The following TULP4 variants were observed in gnomAD, a reference collection of about 807,000 sequenced individuals.
The protein encoded by TULP4 is TUB like protein 4, also known as tubby-related protein 4.
TULP4 carries 16 observed loss-of-function variants against 129.0 expected under a neutral mutation model. The observed-to-expected ratio is 0.12, with a 90% CI of 0.08 to 0.19. TULP4 has a LOEUF of 0.19. TULP4 is among the 10% of genes least tolerant of loss of function. TULP4 has a pLI of 1.00. For missense variants in TULP4, 1,842 were observed against 2,059.1 expected, an observed-to-expected ratio of 0.89 and a Z score of 2.04; for synonymous variants, 998 against 854.0, an observed-to-expected ratio of 1.17 and a Z score of -2.94.
At chr6:158,443,631 T>C (rs1352793165) in intron 3 of TULP4, among the ~76,000 whole-genome samples, 1 of 152,200 alleles carries the variant, frequency 6.6e-6, no homozygotes, top group Non-Finnish European at 1.5e-5. Flanking sequence ...GGAGAGTCTC[T>C]CATCTTAATA....
At chr6:158,388,004 G>T (rs1777489768) in intron 1 of TULP4, among the ~76,000 whole-genome samples, 1 of 152,094 alleles carries the variant, frequency 6.6e-6, no homozygotes, top group African/African-American at 2.4e-5. Context: ...TCCAACAAGT[G>T]AATTCTAATT....
At chr6:158,446,457 A>G (rs1454258235) in intron 3 of TULP4, among the ~76,000 whole-genome samples, 3 of 152,154 alleles carry the variant, frequency 2.0e-5, no homozygotes, top group Non-Finnish European at 2.9e-5. Context: ...GTCCTTATTC[A>G]GGAATTATAT....
In TULP4 at chr6:158,511,742, G is replaced by GGAT. The variant is rs1431549372; in HGVS notation, c.*5049_*5051dup. 3.3e-5 allele frequency: 5 copies of GGAT among 152,144 alleles called. No homozygotes were observed. Among genetic ancestry groups the GGAT allele is most frequent in the African/African-American group, 1.2e-4 (5 of 41,422 alleles). 9.4% of individuals were successfully genotyped at this position (152,144 alleles called of 1,614,324 possible). On this transcript the variant is annotated 3_prime_UTR_variant, in exon 14 of 14. Coordinates refer to ENST00000367097, the MANE Select transcript of TULP4 (RefSeq NM_020245.5). ...TATTTTCTGTCTTTATTACTGAGAC[G>GGAT]GATTAATCTCCTTATTTTTTTCTTG...
intron 1 of TULP4, among the ~76,000 whole-genome samples, chr6:158,260,593 G>A (rs959228004): frequency 7.2e-6 from 1 of 138,302 alleles, no homozygotes; most frequent in Non-Finnish European, 1.6e-5. Context: ...AAAAAAAAAT[G>A]TTCATTAGTG....
chr6:158,291,840 G>T (rs575306523), intron 1 of TULP4, among the ~76,000 whole-genome samples: 1 of 152,154 alleles, frequency 6.6e-6, no homozygotes, highest in Non-Finnish European at 1.5e-5. Flanking sequence ...TGAAGGAATA[G>T]GTTTTTCATT....
At chr6:158,245,877 A>G (rs1404733907) in intron 1 of TULP4, among the ~76,000 whole-genome samples, 4 of 152,338 alleles carry the variant, frequency 2.6e-5, no homozygotes, top group Admixed American at 2.0e-4. Flanking sequence ...GAGAGGATCT[A>G]AGCTCCAGAA....
intron 1 of TULP4, among the ~76,000 whole-genome samples, chr6:158,255,513 A>C (rs1038181863): frequency 8.5e-5 from 13 of 152,126 alleles, no homozygotes; most frequent in Admixed American, 7.2e-4. Flanking sequence ...GTCTGTCCAG[A>C]GGTTCTGGAA....
At chr6:158,401,050 T>TTTGTTGTTGTTGTTG (rs199720242) in intron 1 of TULP4, among the ~76,000 whole-genome samples, 27 of 147,206 alleles carry the variant, frequency 1.8e-4, no homozygotes, top group African/African-American at 6.5e-4. Flanking sequence ...GTTTGGGTTT[T>TTTGTTGTTGTTGTTG]TTGTTGTTGT....
intron 1 of TULP4, chr6:158,242,124 A>G (rs1583668535): frequency 1.1e-6 from 1 of 879,134 alleles, no homozygotes; most frequent in South Asian, 1.3e-5. Flanking sequence ...GCTGCAGAAT[A>G]TAGGCCATCT....
upstream of TULP4, among the ~76,000 whole-genome samples, chr6:158,278,744 C>T (rs900445086): frequency 1.3e-5 from 2 of 151,698 alleles, no homozygotes; most frequent in African/African-American, 4.8e-5. Flanking sequence ...GATATTTTTC[C>T]CCTTTAAGCA....
At chr6:158,396,511 T>C (rs370945552) in intron 1 of TULP4, among the ~76,000 whole-genome samples, 1 of 152,180 alleles carries the variant, frequency 6.6e-6, no homozygotes, top group African/African-American at 2.4e-5. Flanking sequence ...GGAAATAATA[T>C]ATATACAAGG....
Position 158,502,185 on chromosome 6 carries a change from T to G in TULP4, c.2522T>G (p.Ile841Ser). The change falls in exon 13 of 14, where the codon ATC becomes AGC. Residue 841 changes from isoleucine (I) to serine (S), a missense_variant. Around this residue, in one of 5 missense-constraint regions of TULP4, gnomAD observed 1,089 missense variants for 987.1 expected, o/e 1.10. Coordinates refer to ENST00000367097, the MANE Select transcript of TULP4 (RefSeq NM_020245.5). Reference protein sequence around the residue: ...INPPPPYPGTIPAAPTTAAPP... With the variant: ...INPPPPYPGTSPAAPTTAAPP... Reference sequence around the variant, plus strand: ...CCTCCACCCCCGTACCCAGGAACCATCCCCGCTGCCCCCACCACAGCAGCA... The same window carrying G: ...CCTCCACCCCCGTACCCAGGAACCAGCCCCGCTGCCCCCACCACAGCAGCA... 1.7e-6 allele frequency: 2 copies of G among 1,160,436 alleles called. No homozygotes were observed. Among genetic ancestry groups the G allele is most frequent in the Non-Finnish European group, 1.1e-6 (1 of 879,042 alleles). The allele number at this position is 1,160,436 out of a possible 1,614,324, so 71.9% of individuals were successfully genotyped here. A position where few individuals can be genotyped will look rare whatever the true frequency, so the allele number is the denominator to read the frequency against.
At chr6:158,259,190 A>T (rs1334923638) in intron 1 of TULP4, among the ~76,000 whole-genome samples, 4 of 152,234 alleles carry the variant, frequency 2.6e-5, no homozygotes, top group Non-Finnish European at 5.9e-5. Context: ...AGGTTGCGCC[A>T]TTGCACTTCA....
Position 158,503,006 on chromosome 6 carries a change from A to C in TULP4, c.3343A>C (p.Thr1115Pro). The C allele has an allele frequency of 6.2e-7, 1 of 1,614,002 alleles. No individual in the cohort carries two copies. Among genetic ancestry groups the C allele is most frequent in the Non-Finnish European group, 8.5e-7 (1 of 1,179,990 alleles). Residue 1115 changes from threonine (T) to proline (P), a missense_variant, in exon 13 of 14, where the codon ACC becomes CCC. By Grantham distance (38) the Thr-to-Pro change is conservative. Around this residue, in one of 5 missense-constraint regions of TULP4, gnomAD observed 1,089 missense variants for 987.1 expected, o/e 1.10. Coordinates refer to ENST00000367097, the MANE Select transcript of TULP4 (RefSeq NM_020245.5). This position sits in a 1 kb window ranked among gnomAD's most constrained non-coding sequence, Gnocchi z 4.3. ...CCCTCCCCTGCCTGAAGCTGCTGTC[A>C]CCCTGAAACGGCCACCCCCTTACCA... ...RHPPLPEAAV[T>P]LKRPPPYQWD...
intron 1 of TULP4, among the ~76,000 whole-genome samples, chr6:158,353,569 T>A (rs1397055351): frequency 2.0e-5 from 3 of 152,216 alleles, no homozygotes; most frequent in Non-Finnish European, 2.9e-5. Context: ...CAGTGTGTTC[T>A]TTTTTCTGCA....
chr6:158,305,057 C>T (rs1342117508), intron 1 of TULP4, among the ~76,000 whole-genome samples: 2 of 152,078 alleles, frequency 1.3e-5, no homozygotes, highest in Admixed American at 1.3e-4. Context: ...CTCTTTTCAT[C>T]TTACAAAACT....
Position 158,494,721 on chromosome 6 carries a change from G to A in TULP4, c.1777-32G>A, listed in dbSNP as rs371219262. The A allele has an allele frequency of 9.5e-6, 15 of 1,578,794 alleles. No homozygotes were observed. The African/African-American group carries it at 1.8e-4, about 19-fold the overall frequency. On this transcript the variant is annotated intron_variant, in intron 10 of 13. Coordinates refer to ENST00000367097, the MANE Select transcript of TULP4 (RefSeq NM_020245.5). ...AGTTGAAAATACGGAAATAGATTGT[G>A]ATTCTTCTTTTTTCTTTTCTTCCTA...
intron 1 of TULP4, among the ~76,000 whole-genome samples, chr6:158,333,034 T>A (rs1779947702): frequency 6.6e-6 from 1 of 152,194 alleles, no homozygotes; most frequent in African/African-American, 2.4e-5. Flanking sequence ...CCCCTATACC[T>A]TCCCCCATTT....
At chr6:158,293,678 A>C (rs1342579584) in intron 1 of TULP4, among the ~76,000 whole-genome samples, 1 of 152,214 alleles carries the variant, frequency 6.6e-6, no homozygotes, top group African/African-American at 2.4e-5. Flanking sequence ...TTACAATGCA[A>C]GTCAATGGGA....
Sources: allele counts gnomAD v4.1 joint callset (sites outside exome capture counted in the v4.1 genomes callset), GRCh38; gene constraint gnomAD v4.1.1; regional missense constraint gnomAD v4.1.1; non-coding constraint Gnocchi (gnomAD v3.1); transcripts MANE v1.5; gene names NCBI Gene and HGNC (gene_info 2026-07-23, HGNC 2026-07-21).